The following GTF2I variants were observed in gnomAD, a reference collection of about 807,000 sequenced individuals.
The protein encoded by GTF2I is general transcription factor II-I.
Under a neutral mutation model 67.6 loss-of-function variants are expected in GTF2I, and 12 were observed. The observed-to-expected ratio is 0.18, with a 90% CI of 0.11 to 0.29. The LOEUF (loss-of-function observed/expected upper bound fraction) is 0.29, where lower values mean the gene tolerates loss of function less well. Among genes scored for constraint, GTF2I ranks in the 10% least tolerant of loss-of-function variants. The pLI, the probability that GTF2I is intolerant of heterozygous loss-of-function variation, is 1.00. For synonymous variants in GTF2I, 149 were observed against 197.0 expected, an observed-to-expected ratio of 0.76 and a Z score of 2.04; for missense variants, 271 against 580.1, an observed-to-expected ratio of 0.47 and a Z score of 5.47.
intron 12 of GTF2I, among the ~76,000 whole-genome samples, chr7:74,722,276 A>T (rs1554404775): frequency 6.6e-6 from 1 of 152,108 alleles, no homozygotes; most frequent in Non-Finnish European, 1.5e-5. Context: ...AGTCGGTGGT[A>T]AACATTTAAA....
At chr7:74,681,458 GAAA>G (rs11369420) in intron 1 of GTF2I, among the ~76,000 whole-genome samples, 1 of 150,412 alleles carries the variant, frequency 6.6e-6, no homozygotes, top group African/African-American at 2.4e-5. Flanking sequence ...AAGAAAAAAA[GAAA>G]AAAAAATGGG....
At chr7:74,673,545 CT>C (rs1185821830) in intron 1 of GTF2I, among the ~76,000 whole-genome samples, 2 of 151,724 alleles carry the variant, frequency 1.3e-5, no homozygotes, top group African/African-American at 4.8e-5. Flanking sequence ...CCATGCCTGG[CT>C]AATTTTGTAT....
chr7:74,709,973 G>A (rs1206738654), intron 8 of GTF2I, among the ~76,000 whole-genome samples: 4 of 152,108 alleles, frequency 2.6e-5, no homozygotes, highest in Non-Finnish European at 5.9e-5. Flanking sequence ...GCACCTGGCT[G>A]TTAGCTGTAA....
Position 74,682,224 on chromosome 7 carries a change from C to G in GTF2I, c.-5-6900C>G, listed in dbSNP as rs1554394321. On this transcript the variant is annotated intron_variant, in intron 1 of 34. Coordinates refer to ENST00000573035, the MANE Select transcript of GTF2I (RefSeq NM_032999.4). ...AGTTCTGGCTAATTCATAAATTGTT[C>G]TTGAGAATAAAGGATATGGAAGGTA... Among the ~76,000 whole-genome samples the G allele has an allele frequency of 1.3e-5, 2 of 152,080 alleles. 1 individual carries two copies. The highest frequency in any genetic ancestry group is 4.8e-5 in the African/African-American group (2 of 41,400).
intron 1 of GTF2I, among the ~76,000 whole-genome samples, chr7:74,662,208 T>C (rs1442988915): frequency 4.3e-4 from 9 of 21,088 alleles, no homozygotes; most frequent in South Asian, 3.4e-3. Flanking sequence ...TTCTTTCTTT[T>C]TTTTTTTTTT....
chr7:74,673,606 T>C (rs1229825673), intron 1 of GTF2I, among the ~76,000 whole-genome samples: 1 of 151,870 alleles, frequency 6.6e-6, no homozygotes, highest in Non-Finnish European at 1.5e-5. Flanking sequence ...CTCGAACTCC[T>C]GACCTCAGGT....
intron 1 of GTF2I, among the ~76,000 whole-genome samples, chr7:74,686,604 A>G (rs1787745041): frequency 6.6e-6 from 1 of 152,208 alleles, no homozygotes; most frequent in South Asian, 2.1e-4. Flanking sequence ...TAATTATAGA[A>G]ACATATATGC....
In GTF2I at chr7:74,716,067, G is replaced by GT. The variant is rs879996140; in HGVS notation, c.824-818dup. 4.4e-4 allele frequency among the ~76,000 whole-genome samples: 67 copies of GT among 151,258 alleles called. No individual in the cohort carries two copies. In the South Asian group the frequency reaches 0.01, roughly 23 times the overall value. ...ATGTATTCTTACTAATAGGTAATAT[G>GT]TTTTTTTTTGGTACTTAAAGGCAGT... On this transcript the variant is annotated intron_variant, in intron 10 of 34. Transcript: ENST00000573035.
At chr7:74,691,204 C>CTT (rs1255789108) in intron 3 of GTF2I, 93 bp downstream of exon 3, 5 of 850,688 alleles carry the variant, frequency 5.9e-6, no homozygotes, top group Non-Finnish European at 8.7e-6. Context: ...TTCTTTCTTT[C>CTT]TTTCTTTTTT....
At chr7:74,731,690 G>A (rs1794496137) in intron 14 of GTF2I, among the ~76,000 whole-genome samples, 1 of 150,350 alleles carries the variant, frequency 6.7e-6, no homozygotes, top group African/African-American at 2.4e-5. Flanking sequence ...GATTACAGGT[G>A]CCCGCCACCA....
At chr7:74,711,685 T>C (rs1292065357) in intron 9 of GTF2I, among the ~76,000 whole-genome samples, 1 of 152,208 alleles carries the variant, frequency 6.6e-6, no homozygotes, top group African/African-American at 2.4e-5. Context: ...TAATAAAATG[T>C]GGACTATTTT....
At position 74,661,367 on chromosome 7, in the gene GTF2I, T is replaced by C. The variant is rs142292919; in HGVS notation, c.-6+3299T>C. Among the ~76,000 whole-genome samples the C allele has an allele frequency of 3.5e-3, 533 of 152,220 alleles. 3 individuals carry two copies. The highest frequency in any genetic ancestry group is 5.9e-3 in the Non-Finnish European group (400 of 68,022). ...AAGGGAGAGAAATTTATTGGAGATA[T>C]TTGCTTTTTCTTACTTTAAAATTAG... On this transcript the variant is annotated intron_variant, in intron 1 of 34. Transcript: ENST00000573035.
intron 2 of GTF2I, among the ~76,000 whole-genome samples, chr7:74,689,936 C>T (rs782476219): frequency 1.8e-3 from 273 of 151,924 alleles, no homozygotes; most frequent in Non-Finnish European, 3.2e-3. Flanking sequence ...ACGCGGGTCT[C>T]GAACTCCCGA....
At position 74,731,205 on chromosome 7, in the gene GTF2I, T is replaced by A. The variant is rs587683450; in HGVS notation, c.1120+911T>A. On this transcript the variant is annotated intron_variant, in intron 14 of 34. Coordinates refer to ENST00000573035, the MANE Select transcript of GTF2I (RefSeq NM_032999.4). ...TTTATTTTTATCATATTTATTATCA[T>A]CTGTTATCATTTTTATTTGGATGAC... is the stretch of plus-strand genomic sequence containing the variant. 1.8e-4 allele frequency among the ~76,000 whole-genome samples: 27 copies of A among 148,014 alleles called. No individual in the cohort carries two copies. In the East Asian group the frequency reaches 5.3e-3, roughly 29 times the overall value.
At chr7:74,730,717 T>TTTC (rs1305873412) in intron 14 of GTF2I, among the ~76,000 whole-genome samples, 22 of 122,890 alleles carry the variant, frequency 1.8e-4, no homozygotes, top group Non-Finnish European at 1.0e-4. Flanking sequence ...TTTTATCTTT[T>TTTC]TTTTTTTTTT....
rs1790470532 is a variant in GTF2I at position 74,705,230 on chromosome 7, T to A, written c.641+12T>A. 4.0e-6 allele frequency: 6 copies of A among 1,514,212 alleles called. No individual in the cohort carries two copies. Among genetic ancestry groups the A allele is most frequent in the Non-Finnish European group, 5.5e-6 (6 of 1,089,398 alleles). 93.8% of individuals were successfully genotyped at this position (1,514,212 alleles called of 1,614,324 possible). On this transcript the variant is annotated intron_variant, in intron 7 of 34. Transcript: ENST00000573035. ...TCTCCAGGTGGAAGGTAAAACCTAA[T>A]TTCATTACTGCTGTTTAACTCCCAC...
At chr7:74,724,522 A>G (rs782193582) in intron 12 of GTF2I, among the ~76,000 whole-genome samples, 4 of 152,228 alleles carry the variant, frequency 2.6e-5, no homozygotes, top group African/African-American at 7.2e-5. Flanking sequence ...TCTAAACACA[A>G]ATTTTGAGTT....
intron 1 of GTF2I, among the ~76,000 whole-genome samples, chr7:74,675,701 GT>G (rs1805841253): frequency 2.0e-5 from 3 of 151,996 alleles, no homozygotes; most frequent in Admixed American, 2.0e-4. Context: ...ATTTTACAGT[GT>G]ATAGTGTGGT....
intron 1 of GTF2I, among the ~76,000 whole-genome samples, chr7:74,658,814 T>C (rs1406954669): frequency 1.3e-5 from 2 of 151,804 alleles, no homozygotes; most frequent in African/African-American, 2.4e-5. Flanking sequence ...CTTTAGGCCA[T>C]GAAAATTAAG....
Sources: allele counts gnomAD v4.1 joint callset (sites outside exome capture counted in the v4.1 genomes callset), GRCh38; gene constraint gnomAD v4.1.1; transcripts MANE v1.5; gene names NCBI Gene and HGNC (gene_info 2026-07-23, HGNC 2026-07-21).